APBA2: variants seen among roughly 807,000 people sequenced by gnomAD.
The protein encoded by APBA2 is amyloid-beta A4 precursor protein-binding family A member 2.
APBA2 carries 30 observed loss-of-function variants against 75.0 expected under a neutral mutation model. That is an observed-to-expected ratio of 0.40 (90% CI 0.30 to 0.54). The LOEUF is 0.54. Among genes scored for constraint, APBA2 ranks in the 20% least tolerant of loss-of-function variants. The pLI, the probability that APBA2 is intolerant of heterozygous loss-of-function variation, is 0.49. For missense variants in APBA2, 801 were observed against 1,016.1 expected, an observed-to-expected ratio of 0.79 and a Z score of 2.88; for synonymous variants, 444 against 409.6, an observed-to-expected ratio of 1.08 and a Z score of -1.01.
chr15:28,988,820 G>A (rs2038065808), intron 2 of APBA2, among the ~76,000 whole-genome samples: 2 of 152,310 alleles, frequency 1.3e-5, no homozygotes, highest in African/African-American at 4.8e-5. Context: ...GATTGGAATT[G>A]CTATGGGAGA....
intron 2 of APBA2, among the ~76,000 whole-genome samples, chr15:28,984,123 C>T (rs979458644): frequency 2.0e-5 from 3 of 151,996 alleles, no homozygotes; most frequent in Non-Finnish European, 4.4e-5. Context: ...ATTCTGGGAT[C>T]GGGGAGGCTA....
At chr15:29,050,117 T>C (rs937376843) in intron 3 of APBA2, among the ~76,000 whole-genome samples, 1 of 152,096 alleles carries the variant, frequency 6.6e-6, no homozygotes, top group African/African-American at 2.4e-5. Flanking sequence ...GGAGAGGAAA[T>C]TGTATCAGCT....
intron 3 of APBA2, among the ~76,000 whole-genome samples, chr15:29,005,648 T>C (rs1394002429): frequency 1.3e-5 from 2 of 152,140 alleles, no homozygotes; most frequent in Non-Finnish European, 2.9e-5. Context: ...GTGGATCACT[T>C]GAGGTCAGGA....
At position 29,054,239 on chromosome 15, in the gene APBA2, G is replaced by A. The variant is rs760926237; in HGVS notation, c.355G>A (p.Glu119Lys). The A allele has an allele frequency of 3.7e-6, 6 of 1,614,060 alleles. No homozygotes were observed. In the Admixed American group the frequency reaches 8.3e-5, roughly 22 times the overall value. Residue 119 changes from glutamate to lysine, a missense_variant, in exon 4 of 15, where the codon GAG (glutamate) becomes AAG (lysine). This residue lies in a region of APBA2 where 434 missense variants were observed against 471.6 expected (regional missense o/e 0.92). Coordinates refer to ENST00000683413, the MANE Select transcript of APBA2 (RefSeq NM_001353788.2). The surrounding 1 kb of genome is among the most constrained non-coding windows in gnomAD (Gnocchi z 6.1). ...SYLEGMDCNG[E>K]EYLAHSAHPV... ...CCTAGAGGGCATGGACTGCAACGGG[G>A]AGGAGTACCTGGCCCACAGTGCACA...
At chr15:28,886,435 G>A (rs2031728534) in intron 1 of APBA2, among the ~76,000 whole-genome samples, 157 bp downstream of exon 1, 1 of 147,982 alleles carries the variant, frequency 6.8e-6, no homozygotes, top group Non-Finnish European at 1.5e-5. Context: ...CTGCGGGGCG[G>A]CCGCCGCTGG....
intron 3 of APBA2, among the ~76,000 whole-genome samples, chr15:29,018,127 T>C (rs1035025214): frequency 7.9e-5 from 12 of 152,108 alleles, no homozygotes; most frequent in Non-Finnish European, 8.8e-5. Context: ...GGCCATTGGA[T>C]GAAGATCTGT....
intron 6 of APBA2, among the ~76,000 whole-genome samples, chr15:29,081,559 G>C (rs2043084107): frequency 6.6e-6 from 1 of 152,228 alleles, no homozygotes; most frequent in South Asian, 2.1e-4. Flanking sequence ...ATACATCCCA[G>C]ATCCCTAGTC....
chr15:28,902,343 A>C (rs1341813880), intron 1 of APBA2, among the ~76,000 whole-genome samples: 1 of 152,160 alleles, frequency 6.6e-6, no homozygotes, highest in East Asian at 1.9e-4. Flanking sequence ...GACAAATTCC[A>C]GTTGAGGGGC....
chr15:29,050,971 G>A (rs769957694), intron 3 of APBA2, among the ~76,000 whole-genome samples: 34 of 126,520 alleles, frequency 2.7e-4, no homozygotes, highest in Non-Finnish European at 3.8e-4. Context: ...GCCCTTTGCC[G>A]TCCTGACGTC....
intron 8 of APBA2, among the ~76,000 whole-genome samples, chr15:29,097,227 G>A (rs907268347): frequency 4.6e-5 from 7 of 152,274 alleles, no homozygotes; most frequent in Non-Finnish European, 1.0e-4. Context: ...AGGATACTTA[G>A]AATCCCAAAT....
intron 1 of APBA2, among the ~76,000 whole-genome samples, chr15:28,887,820 G>A (rs1595381230): frequency 6.6e-6 from 1 of 152,212 alleles, no homozygotes; most frequent in East Asian, 1.9e-4. Flanking sequence ...CTTGGAGTGG[G>A]CTCCATGGCT....
chr15:29,089,998 C>T (rs1381012023), intron 6 of APBA2, among the ~76,000 whole-genome samples: 1 of 152,156 alleles, frequency 6.6e-6, no homozygotes, highest in Non-Finnish European at 1.5e-5. Context: ...TTCTGCGTTT[C>T]CTGCGGAAGT....
rs761364766 is a variant in APBA2 at position 29,101,721 on chromosome 15, G to A, written c.1461G>A (p.Thr487=). ...CCTCTCAGGACTGCATCGAGACCACGCCCGGGGCCCAGGAAGGCAAGAAGC... is the reference window on the plus strand; with the variant it reads ...CCTCTCAGGACTGCATCGAGACCACACCCGGGGCCCAGGAAGGCAAGAAGC... ...RSASQDCIET[T]PGAQEGKKQY... is the part of the protein sequence containing the mutation. The change falls in exon 10 of 15, where the codon ACG becomes ACA. Residue 487 remains threonine, a synonymous_variant. Transcript: ENST00000683413. The A allele has an allele frequency of 1.1e-5, 17 of 1,613,676 alleles. No individual in the cohort carries two copies. Among genetic ancestry groups the A allele is most frequent in the East Asian group, 2.2e-5 (1 of 44,876 alleles).
At chr15:29,044,947 T>C (rs2041231011) in intron 3 of APBA2, among the ~76,000 whole-genome samples, 1 of 152,182 alleles carries the variant, frequency 6.6e-6, no homozygotes, top group African/African-American at 2.4e-5. Context: ...GTCTGCTTTC[T>C]GGTTCATAGG....
At chr15:28,942,664 C>G (rs1396845374) in intron 2 of APBA2, among the ~76,000 whole-genome samples, 4 of 152,192 alleles carry the variant, frequency 2.6e-5, no homozygotes, top group Non-Finnish European at 4.4e-5. Flanking sequence ...TTTCCTCTTG[C>G]AACCATCAGA....
chr15:28,942,276 C>T (rs1224750356), intron 2 of APBA2, among the ~76,000 whole-genome samples: 3 of 152,192 alleles, frequency 2.0e-5, no homozygotes, highest in Non-Finnish European at 2.9e-5. Flanking sequence ...GCACTCGCAG[C>T]TCACTGCTGC....
At chr15:29,068,106 A>T (rs1023668970) in intron 4 of APBA2, among the ~76,000 whole-genome samples, 1 of 152,240 alleles carries the variant, frequency 6.6e-6, no homozygotes, top group Non-Finnish European at 1.5e-5. Context: ...GAATGTGTGC[A>T]GGGCTCGAGG....
At chr15:29,022,383 A>C (rs1195220656) in intron 3 of APBA2, among the ~76,000 whole-genome samples, 2 of 152,126 alleles carry the variant, frequency 1.3e-5, no homozygotes, top group African/African-American at 2.4e-5. Flanking sequence ...CTTTTCCTTG[A>C]TGATTTTTTA....
intron 14 of APBA2, among the ~76,000 whole-genome samples, chr15:29,116,806 G>C (rs1003550498): frequency 6.6e-6 from 1 of 152,142 alleles, no homozygotes; most frequent in African/African-American, 2.4e-5. Context: ...GGTGTCAGCT[G>C]GACTGGAAGC....
Sources: gnomAD v4.1 joint callset for allele counts (sites outside exome capture counted in the v4.1 genomes callset) on GRCh38, gnomAD v4.1.1 for gene constraint, gnomAD v4.1.1 regional missense constraint, Gnocchi (gnomAD v3.1) non-coding constraint, MANE v1.5 for transcripts, NCBI Gene and HGNC (gene_info 2026-07-23, HGNC 2026-07-21) for gene names.